Variants in ERICH1 observed in about 807,000 individuals in gnomAD.
ERICH1 encodes glutamate rich 1, also known as glutamate-rich protein 1.
Under a neutral mutation model 39.6 loss-of-function variants are expected in ERICH1, and 56 were observed. That is an observed-to-expected ratio of 1.41 (90% CI 1.14 to 1.77). ERICH1 has a LOEUF of 1.77. Ranked by LOEUF, ERICH1 falls within the 40% of genes most tolerant of loss-of-function variation. ERICH1 has a pLI of 0.00. For missense variants in ERICH1, 826 were observed against 575.4 expected, an observed-to-expected ratio of 1.44 and a Z score of -4.45; for synonymous variants, 313 against 223.6, an observed-to-expected ratio of 1.40 and a Z score of -3.57.
At chr8:677,919 C>T (rs1008084661) in intron 3 of ERICH1, among the ~76,000 whole-genome samples, 4 of 151,828 alleles carry the variant, frequency 2.6e-5, no homozygotes, top group South Asian at 2.1e-4. Flanking sequence ...CTGTCAGTGC[C>T]GCTCATCGCC....
chr8:716,524 G>A (rs908521524), intron 1 of ERICH1, among the ~76,000 whole-genome samples: 15 of 152,242 alleles, frequency 9.9e-5, no homozygotes, highest in African/African-American at 3.1e-4. Context: ...TAAACTGAAC[G>A]TGTCAACAAC....
chr8:651,406 C>G (rs368039384), intron 3 of ERICH1, among the ~76,000 whole-genome samples: 1 of 152,322 alleles, frequency 6.6e-6, no homozygotes, highest in East Asian at 1.9e-4. Context: ...AGCAGCTGAT[C>G]CCAGCTCCGG....
chr8:665,945 T>C (rs879346562), intron 5 of ERICH1: 3 of 152,216 alleles, frequency 2.0e-5, no homozygotes, highest in Non-Finnish European at 4.4e-5. Context: ...CAAAAACTCG[T>C]ATAGGCCAAG....
chr8:635,139 G>A (rs969504719), intron 3 of ERICH1, among the ~76,000 whole-genome samples: 4 of 151,694 alleles, frequency 2.6e-5, no homozygotes, highest in South Asian at 2.1e-4. Context: ...GGGCGTGGCC[G>A]CATCTGCCTC....
intron 2 of ERICH1, among the ~76,000 whole-genome samples, chr8:702,190 C>A (rs920820666): frequency 6.6e-6 from 1 of 151,728 alleles, no homozygotes; most frequent in African/African-American, 2.4e-5. Context: ...CGCAGAAACA[C>A]GGGCAAAGGC....
At chr8:652,397 T>G (rs1417374798) in intron 3 of ERICH1, among the ~76,000 whole-genome samples, 1 of 152,220 alleles carries the variant, frequency 6.6e-6, no homozygotes, top group East Asian at 1.9e-4. Context: ...CCGACCGTTG[T>G]TGGCTGCTGG....
At chr8:719,599 C>T (rs1348757335) in intron 1 of ERICH1, among the ~76,000 whole-genome samples, 1 of 152,206 alleles carries the variant, frequency 6.6e-6, no homozygotes, top group South Asian at 2.1e-4. Context: ...CCTTTTCCTC[C>T]TCAATCTCAC....
At position 673,631 on chromosome 8, in the gene ERICH1, C is replaced by A; in HGVS notation, c.721G>T (p.Asp241Tyr). The change falls in exon 4 of 6, where the codon GAC becomes TAC. Residue 241 changes from aspartate (D) to tyrosine (Y), a missense_variant. Physicochemically the swap from Asp to Tyr is radical, Grantham distance 160. Coordinates refer to ENST00000262109, the MANE Select transcript of ERICH1 (RefSeq NM_207332.3). ...TCTTCCTGCCTGGCCCGTGTCAGGT[C>A]TTCCTCGCTAGCGTCCGCACCATCT... ...EEDGADASEE[D>Y]LTRARQEEGA... The A allele has an allele frequency of 6.2e-7, 1 of 1,610,140 alleles. No individual in the cohort carries two copies. Among genetic ancestry groups the A allele is most frequent in the Non-Finnish European group, 8.5e-7 (1 of 1,177,422 alleles).
chr8:614,941 T>G, exon 4 of ERICH1: 1 of 314,236 alleles, frequency 3.2e-6, no homozygotes, highest in Admixed American at 5.0e-5. Context: ...AATGCACTTA[T>G]TAGGAGAGGG....
At position 674,250 on chromosome 8, in the gene ERICH1, G is replaced by A. The variant is rs537744668; in HGVS notation, c.305-203C>T. Among the ~76,000 whole-genome samples the A allele has an allele frequency of 1.8e-3, 275 of 149,306 alleles. 2 individuals carry two copies. Among genetic ancestry groups the A allele is most frequent in the South Asian group, 4.7e-3 (22 of 4,702 alleles). ...TAGCAGTACATACACTCACAGATGC[G>A]ACAATCATAATATATGGTGTGTTTT... On this transcript the variant is annotated intron_variant, in intron 3 of 5. Transcript: ENST00000262109.
chr8:706,454 C>T (rs1813291440), intron 2 of ERICH1, among the ~76,000 whole-genome samples: 1 of 152,076 alleles, frequency 6.6e-6, no homozygotes, highest in Non-Finnish European at 1.5e-5. Flanking sequence ...TTTTCTACGT[C>T]CTGTAAGTAC....
intron 2 of ERICH1, among the ~76,000 whole-genome samples, chr8:707,356 T>C (rs558653135): frequency 2.7e-4 from 41 of 152,114 alleles, no homozygotes; most frequent in East Asian, 5.8e-4. Flanking sequence ...TACAGGTACC[T>C]GCCACCATGC....
chr8:647,184 C>A lies in ERICH1; in HGVS notation c.976+21414G>T, dbSNP rs529291530. Among the ~76,000 whole-genome samples the A allele has an allele frequency of 1.9e-3, 125 of 67,102 alleles. 45 individuals are homozygous for A. Among genetic ancestry groups the A allele is most frequent in the African/African-American group, 4.8e-3 (121 of 25,322 alleles). The allele number at this position is 67,102 out of a possible 152,430, so 44.0% of individuals were successfully genotyped here. A position where few individuals can be genotyped will look rare whatever the true frequency, so the allele number is the denominator to read the frequency against. On this transcript the variant is annotated intron_variant, in intron 3 of 3. Transcript: ENST00000522706. The stretch of plus-strand genomic sequence containing the variant: ...TCAGAGACACGTGGGGTCATCGTAA[C>A]AGTTTCTGGATCACAAGGGGAGGGA...
intron 2 of ERICH1, among the ~76,000 whole-genome samples, chr8:701,811 G>C (rs572365587): frequency 6.6e-6 from 1 of 152,248 alleles, no homozygotes; most frequent in South Asian, 2.1e-4. Context: ...TGAAAAGGCA[G>C]CCAGGCGCGG....
At chr8:633,412 AAC>A (rs1400585561) in intron 3 of ERICH1, among the ~76,000 whole-genome samples, 2 of 152,222 alleles carry the variant, frequency 1.3e-5, no homozygotes, top group Non-Finnish European at 2.9e-5. Flanking sequence ...AAATCTCAAA[AAC>A]ACAGTGTGGG....
chr8:726,334 C>T (rs1239186292), intron 1 of ERICH1, among the ~76,000 whole-genome samples: 1 of 151,532 alleles, frequency 6.6e-6, no homozygotes, highest in Admixed American at 6.6e-5. Context: ...TGTATGCAGG[C>T]ACACAACACA....
chr8:630,844 C>G (rs1308390448), intron 3 of ERICH1, among the ~76,000 whole-genome samples: 4 of 140,430 alleles, frequency 2.8e-5, no homozygotes, highest in Admixed American at 7.2e-5. Flanking sequence ...CCTCCCGTGA[C>G]CACCCACTCA....
At chr8:706,994 C>G (rs1431123355) in intron 2 of ERICH1, among the ~76,000 whole-genome samples, 2 of 151,920 alleles carry the variant, frequency 1.3e-5, no homozygotes, top group Admixed American at 1.3e-4. Context: ...ACATGCTGAT[C>G]CTAACATTAA....
At chr8:676,677 C>G (rs1282779124) in intron 3 of ERICH1, among the ~76,000 whole-genome samples, 3 of 152,232 alleles carry the variant, frequency 2.0e-5, no homozygotes, top group African/African-American at 7.2e-5. Flanking sequence ...CACCCAAGCC[C>G]CGCCCAGACA....
Sources: gnomAD v4.1 joint callset for allele counts (sites outside exome capture counted in the v4.1 genomes callset) on GRCh38, gnomAD v4.1.1 for gene constraint, MANE v1.5 for transcripts, NCBI Gene and HGNC (gene_info 2026-07-23, HGNC 2026-07-21) for gene names.